IQCK: variants seen among roughly 807,000 people sequenced by gnomAD.
The protein encoded by IQCK is IQ motif containing K, also known as IQ domain-containing protein K.
IQCK carries 29 observed loss-of-function variants against 28.1 expected under a neutral mutation model. The ratio of observed to expected loss-of-function variants is 1.03; its 90% confidence interval spans 0.77 to 1.41. The LOEUF (loss-of-function observed/expected upper bound fraction) is 1.41. Among genes scored for constraint, IQCK ranks in the 40% most tolerant of loss-of-function variants. The pLI, the probability that IQCK is intolerant of heterozygous loss-of-function variation, is 0.00. For synonymous variants in IQCK, 113 were observed against 115.1 expected (o/e 0.98, Z 0.12); for missense variants, 359 against 314.7 (o/e 1.14, Z -1.07).
chr16:19,852,596 C>T (rs1054875341), intron 9 of IQCK, among the ~76,000 whole-genome samples: 1 of 151,306 alleles, frequency 6.6e-6, no homozygotes, highest in African/African-American at 2.4e-5. Context: ...TGTATTATTC[C>T]GTGCCTCTCA....
intron 4 of IQCK, among the ~76,000 whole-genome samples, chr16:19,754,433 TCTC>T (rs2055025684): frequency 1.3e-5 from 2 of 152,194 alleles, no homozygotes; most frequent in Admixed American, 6.5e-5. Flanking sequence ...GACCGCCTCT[TCTC>T]CTATCTTACT....
At chr16:19,856,335 G>A (rs2056561256) in intron 9 of IQCK, 152 bp from the exon 9 acceptor site, 4 of 635,834 alleles carry the variant, frequency 6.3e-6, no homozygotes, top group South Asian at 3.9e-5. Flanking sequence ...GTTCTTCCCC[G>A]TGGATCCATG....
At chr16:19,820,510 G>T (rs554918151) in intron 7 of IQCK, among the ~76,000 whole-genome samples, 1 of 152,030 alleles carries the variant, frequency 6.6e-6, no homozygotes, top group Non-Finnish European at 1.5e-5. Flanking sequence ...TTAGCTGGGC[G>T]CAGGGGCGGG....
intron 6 of IQCK, among the ~76,000 whole-genome samples, chr16:19,783,367 T>C (rs138026634): frequency 6.6e-6 from 1 of 152,082 alleles, no homozygotes; most frequent in East Asian, 1.9e-4. Flanking sequence ...GACAAATGAG[T>C]ATTACTAGTA....
At chr16:19,793,653 T>TTG (rs2055653385) in intron 7 of IQCK, among the ~76,000 whole-genome samples, 2 of 129,128 alleles carry the variant, frequency 1.5e-5, no homozygotes, top group African/African-American at 3.5e-5. Context: ...GTTTTTTTTT[T>TTG]TTTTTTTTTT....
chr16:19,815,066 C>T lies in IQCK; in HGVS notation c.691-11960C>T, dbSNP rs142689603. Among the ~76,000 whole-genome samples the T allele has an allele frequency of 8.1e-3, 1,240 of 152,226 alleles. 12 individuals are homozygous for T. Among genetic ancestry groups the T allele is most frequent in the African/African-American group, 0.028 (1,178 of 41,536 alleles). ...CCTCCCAAATTGCTGGGATTATAGG[C>T]GTGAGCCACTACGCCTGGCCTGGAG... On this transcript the variant is annotated intron_variant, in intron 7 of 7. Coordinates refer to ENST00000564186, the Ensembl canonical transcript of IQCK.
chr16:19,775,357 TCATAA>T (rs2055377228), intron 6 of IQCK, among the ~76,000 whole-genome samples: 1 of 152,076 alleles, frequency 6.6e-6, no homozygotes, highest in Non-Finnish European at 1.5e-5. Flanking sequence ...TGGGTACCCC[TCATAA>T]CATAAGCAGC....
chr16:19,838,200 G>A (rs1279796309), intron 9 of IQCK, among the ~76,000 whole-genome samples: 1 of 152,202 alleles, frequency 6.6e-6, no homozygotes, highest in Non-Finnish European at 1.5e-5. Context: ...AACGTTGAAG[G>A]CAAGAACAAT....
intron 3 of IQCK, among the ~76,000 whole-genome samples, chr16:19,734,543 C>T (rs182545113): frequency 1.8e-3 from 276 of 150,794 alleles, no homozygotes; most frequent in African/African-American, 6.0e-3. Flanking sequence ...GCAGGAGAAT[C>T]GCTTGCACTC....
chr16:19,762,308 C>T (rs887423859), intron 4 of IQCK, among the ~76,000 whole-genome samples: 7 of 152,060 alleles, frequency 4.6e-5, no homozygotes, highest in African/African-American at 1.4e-4. Flanking sequence ...CGGGGTGTCT[C>T]GTGAAGGTGG....
intron 4 of IQCK, among the ~76,000 whole-genome samples, chr16:19,752,706 C>T (rs2055002362): frequency 6.6e-6 from 1 of 152,120 alleles, no homozygotes; most frequent in Non-Finnish European, 1.5e-5. Context: ...GGACTATAGG[C>T]ATACATGCCA....
At chr16:19,732,829 G>C (rs571278384) in intron 2 of IQCK, among the ~76,000 whole-genome samples, 35 of 152,280 alleles carry the variant, frequency 2.3e-4, no homozygotes, top group Admixed American at 1.3e-3. Context: ...TCCTTTTCAG[G>C]CTGTTTCATT....
At chr16:19,747,518 G>A (rs1446201536) in intron 4 of IQCK, among the ~76,000 whole-genome samples, 2 of 151,674 alleles carry the variant, frequency 1.3e-5, no homozygotes, top group African/African-American at 2.4e-5. Context: ...GTAAATGTGT[G>A]GGGTTTAAAT....
chr16:19,806,419 C>T (rs1211429321), intron 7 of IQCK, among the ~76,000 whole-genome samples: 17 of 151,932 alleles, frequency 1.1e-4, no homozygotes, highest in Admixed American at 1.1e-3. Context: ...GGCTCAGTGG[C>T]TCACACCTGT....
intron 7 of IQCK, among the ~76,000 whole-genome samples, chr16:19,812,547 T>A (rs1428184247): frequency 6.6e-6 from 1 of 152,204 alleles, no homozygotes; most frequent in Non-Finnish European, 1.5e-5. Context: ...GACCATATGA[T>A]GCACAAAGCC....
At chr16:19,767,765 G>A (rs1170256949) in intron 6 of IQCK, among the ~76,000 whole-genome samples, 1 of 151,798 alleles carries the variant, frequency 6.6e-6, no homozygotes, top group Non-Finnish European at 1.5e-5. Context: ...CCCTAGCCAG[G>A]GACCACGCCC....
chr16:19,819,085 A>G (rs901702755), intron 7 of IQCK, among the ~76,000 whole-genome samples: 1 of 152,184 alleles, frequency 6.6e-6, no homozygotes, highest in Non-Finnish European at 1.5e-5. Flanking sequence ...ACAGGATCAG[A>G]GAGATGAAGT....
chr16:19,767,226 T>C (rs1189572406), intron 6 of IQCK, among the ~76,000 whole-genome samples: 1 of 152,174 alleles, frequency 6.6e-6, no homozygotes, highest in Non-Finnish European at 1.5e-5. Flanking sequence ...GCTCTCTTAG[T>C]TTGCCATCTA....
chr16:19,855,109 T>C (rs775063387), intron 9 of IQCK, among the ~76,000 whole-genome samples: 1 of 152,228 alleles, frequency 6.6e-6, no homozygotes, highest in Non-Finnish European at 1.5e-5. Flanking sequence ...GCCCTCATTT[T>C]GAACTGCCTT....
Sources: gnomAD v4.1 joint callset for allele counts (sites outside exome capture counted in the v4.1 genomes callset) on GRCh38, gnomAD v4.1.1 for gene constraint, MANE v1.5 for transcripts, NCBI Gene and HGNC (gene_info 2026-07-23, HGNC 2026-07-21) for gene names.